Variants in TLN2 observed in about 807,000 individuals in gnomAD.
The protein encoded by TLN2 is talin 2.
A neutral mutation model predicts 294.7 loss-of-function variants in TLN2; 118 were observed. That is an observed-to-expected ratio of 0.40 (90% CI 0.34 to 0.47). The LOEUF is 0.47. TLN2 is among the 20% of genes least tolerant of loss of function. The pLI is 0.84. For synonymous variants in TLN2, 1,431 were observed against 1,304.5 expected (o/e 1.10, Z -2.09); for missense variants, 3,083 against 3,282.2 (o/e 0.94, Z 1.48).
chr15:62,808,782 C>T (rs2066470732), intron 51 of TLN2, among the ~76,000 whole-genome samples: 1 of 152,210 alleles, frequency 6.6e-6, no homozygotes, highest in African/African-American at 2.4e-5. Context: ...GGGAGCATGG[C>T]TTTTGGTTCC....
rs1596242085 is a variant in TLN2 at position 62,843,523 on chromosome 15, A to G, written c.*2913A>G. 1 of 152,288 alleles carries G rather than the reference A, an allele frequency of 6.6e-6. No homozygotes were observed. Among genetic ancestry groups the G allele is most frequent in the Non-Finnish European group, 1.5e-5 (1 of 68,078 alleles). The allele number at this position is 152,288 out of a possible 1,614,324, so 9.4% of individuals were successfully genotyped here. A position where few individuals can be genotyped will look rare whatever the true frequency, so the allele number is the denominator to read the frequency against. ...GTCCCTCCAGGTCGGCTGCAGAGGC[A>G]GCTGCCCAGCCTGCAGTCTATGCAC... is the stretch of plus-strand genomic sequence containing the variant. On this transcript the variant is annotated 3_prime_UTR_variant, in exon 59 of 59. Transcript: ENST00000636159.
chr15:62,539,145 C>T (rs1425722912), intron 1 of TLN2, among the ~76,000 whole-genome samples: 2 of 152,228 alleles, frequency 1.3e-5, no homozygotes, highest in East Asian at 1.9e-4. Flanking sequence ...CCACCCTTAG[C>T]CAAATTAGAA....
intron 3 of TLN2, among the ~76,000 whole-genome samples, chr15:62,639,026 T>A (rs559675469): frequency 6.6e-6 from 1 of 152,162 alleles, no homozygotes; most frequent in East Asian, 1.9e-4. Context: ...TAATTCCTAA[T>A]GACTAATTTA....
intron 13 of TLN2, among the ~76,000 whole-genome samples, chr15:62,693,955 CTTTTTTTTTTTTTTTT>C (rs71131123): frequency 2.1e-5 from 2 of 94,228 alleles, no homozygotes; most frequent in Non-Finnish European, 4.4e-5. Flanking sequence ...GATTTTCTTT[CTTTTTTTTTTTTTTTT>C]TTTTTTTTTT....
At chr15:62,745,308 C>T (rs903429243) in intron 32 of TLN2, among the ~76,000 whole-genome samples, 1 of 151,712 alleles carries the variant, frequency 6.6e-6, no homozygotes, top group African/African-American at 2.4e-5. Flanking sequence ...ACTTATGTGG[C>T]TTTGATCACT....
intron 2 of TLN2, among the ~76,000 whole-genome samples, chr15:62,613,010 C>T (rs933103492): frequency 1.3e-5 from 2 of 152,128 alleles, no homozygotes; most frequent in Non-Finnish European, 2.9e-5. Context: ...GCAGGGGATA[C>T]AGGAGTAGTT....
At chr15:62,468,755 T>A (rs707600) in intron 1 of TLN2, among the ~76,000 whole-genome samples, 50,189 of 130,632 alleles carry the variant, frequency 0.38, 9,493 homozygotes, top group East Asian at 0.71. Flanking sequence ...AAAAAAAAAA[T>A]AAAAATAAAA....
intron 22 of TLN2, among the ~76,000 whole-genome samples, chr15:62,715,710 A>G (rs1348527460): frequency 6.6e-6 from 1 of 152,160 alleles, no homozygotes; most frequent in African/African-American, 2.4e-5. Context: ...TTCTCTCATT[A>G]ATTCAGTACA....
intron 1 of TLN2, among the ~76,000 whole-genome samples, chr15:62,437,781 G>GTCTC (rs1331593452): frequency 2.6e-5 from 4 of 151,860 alleles, no homozygotes; most frequent in African/African-American, 4.8e-5. Flanking sequence ...GTGTCTGTCT[G>GTCTC]TCTGTCTGCC....
intron 11 of TLN2, among the ~76,000 whole-genome samples, chr15:62,684,922 T>C (rs982986095): frequency 6.7e-6 from 1 of 150,336 alleles, no homozygotes; most frequent in African/African-American, 2.5e-5. Flanking sequence ...GTGTTGGGTG[T>C]GTGTAGACAC....
rs1413950957 is a variant in TLN2 at position 62,737,044 on chromosome 15, G to C, written c.3525G>C (p.Leu1175=). The change falls in exon 29 of 59, where the codon CTG becomes CTC. Residue 1175 remains leucine, a synonymous_variant. Coordinates refer to ENST00000636159, the MANE Select transcript of TLN2 (RefSeq NM_015059.3). The part of the protein sequence containing the change: ...AMLIQEAKQA[L]IAPGDAERQQ... ...TCATTCAAGAGGCCAAGCAGGCCCTGATTGCACCTGGAGATGCAGAGCGTC... is the reference window on the plus strand; with the variant it reads ...TCATTCAAGAGGCCAAGCAGGCCCTCATTGCACCTGGAGATGCAGAGCGTC... 1.9e-6 allele frequency: 3 copies of C among 1,614,232 alleles called. No individual in the cohort carries two copies. Among genetic ancestry groups the C allele is most frequent in the Non-Finnish European group, 2.5e-6 (3 of 1,180,044 alleles).
chr15:62,567,270 G>A (rs1323686065), intron 1 of TLN2, among the ~76,000 whole-genome samples: 1 of 152,212 alleles, frequency 6.6e-6, no homozygotes, highest in Non-Finnish European at 1.5e-5. Flanking sequence ...ATTTGTGAAA[G>A]CATTTCTGCA....
At chr15:62,576,154 T>TATAC (rs1567127251) in intron 1 of TLN2, among the ~76,000 whole-genome samples, 1 of 152,062 alleles carries the variant, frequency 6.6e-6, no homozygotes, top group Non-Finnish European at 1.5e-5. Flanking sequence ...TTCAAGGAAG[T>TATAC]ATACAAAACA....
chr15:62,508,969 C>G (rs2140447244), intron 1 of TLN2, among the ~76,000 whole-genome samples: 1 of 152,276 alleles, frequency 6.6e-6, no homozygotes, highest in East Asian at 1.9e-4. Flanking sequence ...TATAAGCCAG[C>G]CTGTAATCTT....
chr15:62,592,649 CA>C (rs11302694), intron 2 of TLN2, among the ~76,000 whole-genome samples: 56,789 of 151,956 alleles, frequency 0.37, 11,066 homozygotes, highest in East Asian at 0.58. Flanking sequence ...TGGACCAGTC[CA>C]AAGTCTGAAT....
At chr15:62,552,036 C>G (rs2042346461) in intron 1 of TLN2, among the ~76,000 whole-genome samples, 1 of 152,172 alleles carries the variant, frequency 6.6e-6, no homozygotes, top group African/African-American at 2.4e-5. Context: ...ACATTGTTCG[C>G]TTTTTGAGTC....
chr15:62,675,173 G>A, intron 10 of TLN2, 44 bp from the exon 11 acceptor site: 1 of 1,584,692 alleles, frequency 6.3e-7, no homozygotes, highest in East Asian at 2.2e-5. Flanking sequence ...TCCACCTGCT[G>A]GCAGAGATGC....
At chr15:62,600,134 GA>G (rs1377948824) in intron 2 of TLN2, among the ~76,000 whole-genome samples, 3 of 152,166 alleles carry the variant, frequency 2.0e-5, no homozygotes, top group Non-Finnish European at 4.4e-5. Flanking sequence ...TGAAAAGACT[GA>G]AAACAACAGT....
At chr15:62,418,717 A>G (rs898628668) in intron 1 of TLN2, among the ~76,000 whole-genome samples, 1 of 152,160 alleles carries the variant, frequency 6.6e-6, no homozygotes, top group Admixed American at 6.5e-5. Flanking sequence ...GTTTGGAGCA[A>G]TGTTTTGCTG....
Sources: gnomAD v4.1 joint callset for allele counts (sites outside exome capture counted in the v4.1 genomes callset) on GRCh38, gnomAD v4.1.1 for gene constraint, MANE v1.5 for transcripts, NCBI Gene and HGNC (gene_info 2026-07-23, HGNC 2026-07-21) for gene names.